TAFA1: variants seen among roughly 807,000 people sequenced by gnomAD.
TAFA1 encodes the protein TAFA chemokine like family member 1, also known as chemokine-like protein TAFA-1.
A neutral mutation model predicts 18.5 loss-of-function variants in TAFA1; 4 were observed. The ratio of observed to expected loss-of-function variants is 0.22; its 90% CI spans 0.11 to 0.49. The LOEUF (loss-of-function observed/expected upper bound fraction) is 0.49, where lower values mean the gene tolerates loss of function less well. Ranked by LOEUF, TAFA1 falls within the 20% of genes least tolerant of loss-of-function variation. The pLI is 0.98. For synonymous variants in TAFA1, 56 were observed against 55.2 expected, an observed-to-expected ratio of 1.01 and a Z score of -0.06; for missense variants, 147 against 169.0, an observed-to-expected ratio of 0.87 and a Z score of 0.72.
intron 2 of TAFA1, among the ~76,000 whole-genome samples, chr3:68,007,007 C>A (rs1215840421): frequency 6.6e-6 from 1 of 152,136 alleles, no homozygotes; most frequent in Non-Finnish European, 1.5e-5. Context: ...TAGAAGTCAT[C>A]TGTTTTTGGA....
intron 3 of TAFA1, among the ~76,000 whole-genome samples, chr3:68,527,666 C>G (rs898865784): frequency 1.3e-5 from 2 of 151,952 alleles, no homozygotes; most frequent in African/African-American, 4.8e-5. Context: ...ATTGTCTGGT[C>G]TTTATATTTG....
intron 2 of TAFA1, among the ~76,000 whole-genome samples, chr3:68,216,407 G>A (rs1395144067): frequency 6.6e-6 from 1 of 152,066 alleles, no homozygotes; most frequent in Non-Finnish European, 1.5e-5. Flanking sequence ...CACCTTCACT[G>A]AAGGCAGTGG....
At chr3:68,106,828 T>G (rs2106828145) in intron 2 of TAFA1, among the ~76,000 whole-genome samples, 1 of 152,146 alleles carries the variant, frequency 6.6e-6, no homozygotes, top group South Asian at 2.1e-4. Context: ...AGAAAAAGTG[T>G]TCAACATCAT....
intron 2 of TAFA1, among the ~76,000 whole-genome samples, chr3:68,286,093 C>T (rs150580222): frequency 0.016 from 2,364 of 152,086 alleles, 76 homozygotes; most frequent in East Asian, 0.12. Flanking sequence ...CACCTGTAGT[C>T]CCAGCTACTC....
chr3:68,015,797 A>G (rs761406840), intron 2 of TAFA1, among the ~76,000 whole-genome samples: 57 of 152,240 alleles, frequency 3.7e-4, no homozygotes, highest in Non-Finnish European at 6.2e-4. Flanking sequence ...ATGATATCAT[A>G]TATATTCATT....
intron 2 of TAFA1, among the ~76,000 whole-genome samples, chr3:68,261,489 A>G (rs1418165472): frequency 6.6e-6 from 1 of 152,234 alleles, no homozygotes; most frequent in Non-Finnish European, 1.5e-5. Context: ...GGCACTATTC[A>G]CAATAGCAAA....
intron 2 of TAFA1, among the ~76,000 whole-genome samples, chr3:68,046,689 G>T (rs1475347805): frequency 2.0e-5 from 3 of 152,046 alleles, no homozygotes; most frequent in African/African-American, 7.2e-5. Flanking sequence ...TTATATGGTG[G>T]GTAGGCCAAC....
At chr3:68,286,823 G>C (rs1259594983) in intron 2 of TAFA1, among the ~76,000 whole-genome samples, 4 of 152,120 alleles carry the variant, frequency 2.6e-5, no homozygotes, top group Admixed American at 2.6e-4. Context: ...AAACCCGTAC[G>C]GGAAATGTGA....
chr3:68,043,876 G>A (rs931217027), intron 2 of TAFA1, among the ~76,000 whole-genome samples: 13 of 151,836 alleles, frequency 8.6e-5, no homozygotes, highest in African/African-American at 2.4e-4. Context: ...TTAATTTCTA[G>A]GGTACATGTG....
chr3:68,143,296 C>T (rs1575641909), intron 2 of TAFA1, among the ~76,000 whole-genome samples: 1 of 152,114 alleles, frequency 6.6e-6, no homozygotes, highest in Non-Finnish European at 1.5e-5. Flanking sequence ...GGATTTATGA[C>T]AGTCTGGCCA....
intron 3 of TAFA1, among the ~76,000 whole-genome samples, chr3:68,521,108 T>C (rs1370051056): frequency 1.3e-5 from 2 of 152,232 alleles, no homozygotes; most frequent in African/African-American, 2.4e-5. Flanking sequence ...AACTGTCTTT[T>C]ATGATGGCTA....
chr3:68,503,016 T>C (rs147645016), intron 3 of TAFA1, among the ~76,000 whole-genome samples: 1 of 152,286 alleles, frequency 6.6e-6, no homozygotes, highest in African/African-American at 2.4e-5. Flanking sequence ...GAATGATGTA[T>C]AGCCCAAGTA....
chr3:68,300,904 C>T (rs1414464369), intron 2 of TAFA1, among the ~76,000 whole-genome samples: 1 of 152,100 alleles, frequency 6.6e-6, no homozygotes, highest in Non-Finnish European at 1.5e-5. Flanking sequence ...GAGGTCTCCC[C>T]AGCCATGCTA....
intron 2 of TAFA1, among the ~76,000 whole-genome samples, chr3:68,199,106 A>G (rs1035256854): frequency 6.6e-6 from 1 of 151,520 alleles, no homozygotes; most frequent in African/African-American, 2.4e-5. Flanking sequence ...CAGTTGTTTC[A>G]ATCTTATTTG....
chr3:68,451,056 C>T (rs2071559834), intron 3 of TAFA1, among the ~76,000 whole-genome samples: 1 of 152,120 alleles, frequency 6.6e-6, no homozygotes, highest in Non-Finnish European at 1.5e-5. Flanking sequence ...CTCCAGAGTC[C>T]AGGCTCTTGA....
intron 2 of TAFA1, among the ~76,000 whole-genome samples, chr3:68,388,068 T>C (rs1216830718): frequency 1.3e-5 from 2 of 152,178 alleles, no homozygotes; most frequent in African/African-American, 4.8e-5. Context: ...AAAAGGCATA[T>C]TCAGTATTTC....
chr3:68,046,586 T>G (rs1361102590), intron 2 of TAFA1, among the ~76,000 whole-genome samples: 1 of 152,180 alleles, frequency 6.6e-6, no homozygotes, highest in Non-Finnish European at 1.5e-5. Flanking sequence ...GTAAGTTGAT[T>G]CTTTGATGAT....
At chr3:68,294,254 A>G (rs965880999) in intron 2 of TAFA1, among the ~76,000 whole-genome samples, 1 of 152,238 alleles carries the variant, frequency 6.6e-6, no homozygotes. Flanking sequence ...CAAGCCACAT[A>G]TGTTACTTTA....
intron 2 of TAFA1, among the ~76,000 whole-genome samples, chr3:68,062,362 A>T (rs1029359731): frequency 1.3e-5 from 2 of 152,196 alleles, no homozygotes; most frequent in East Asian, 1.9e-4. Context: ...ATCCTAGGCA[A>T]ATCTTTCAAA....
Sources: allele counts gnomAD v4.1 joint callset (sites outside exome capture counted in the v4.1 genomes callset), GRCh38; gene constraint gnomAD v4.1.1; transcripts MANE v1.5; gene names NCBI Gene and HGNC (gene_info 2026-07-23, HGNC 2026-07-21).